Variants in TOR1AIP2 observed in about 807,000 individuals in gnomAD.
The protein encoded by TOR1AIP2 is torsin 1A interacting protein 2.
Under a neutral mutation model 32.6 loss-of-function variants are expected in TOR1AIP2, and 20 were observed. That is an observed-to-expected ratio of 0.61 (90% CI 0.43 to 0.89). TOR1AIP2 has a LOEUF of 0.89. TOR1AIP2 is among the 40% of genes least tolerant of loss of function. TOR1AIP2 has a pLI of 0.00. For synonymous variants in TOR1AIP2, 214 were observed against 210.8 expected, an observed-to-expected ratio of 1.02 and a Z score of -0.13; for missense variants, 456 against 553.8, an observed-to-expected ratio of 0.82 and a Z score of 1.77.
At chr1:179,861,896 G>A in intron 3 of TOR1AIP2, 7 of 932,646 alleles carry the variant, frequency 7.5e-6, no homozygotes, top group Non-Finnish European at 9.0e-6. Flanking sequence ...ACAGTGGTCT[G>A]ACTATCTTGC....
In TOR1AIP2 at chr1:179,862,227, T is replaced by C. The variant is rs541757449; in HGVS notation, c.-147+3209A>G. 35 of 982,006 alleles carry C rather than the reference T, an allele frequency of 3.6e-5. No homozygotes were observed. The African/African-American group carries it at 5.9e-4, about 17-fold the overall frequency. The allele number at this position is 982,006 out of a possible 1,614,324, so 60.8% of individuals were successfully genotyped here. On this transcript the variant is annotated intron_variant, in intron 3 of 6. Transcript: ENST00000609928. Reference sequence around the variant, plus strand: ...AAACCTTTTCTCTATTTTGCTGATATTTAAATTTTCACATTTGTAGAATGT... The same window carrying C: ...AAACCTTTTCTCTATTTTGCTGATACTTAAATTTTCACATTTGTAGAATGT...
intron 3 of TOR1AIP2, chr1:179,864,109 G>A (rs1439187251): frequency 6.1e-6 from 6 of 985,278 alleles, no homozygotes; most frequent in African/African-American, 3.5e-5. Flanking sequence ...AGTATGGACA[G>A]GTGGCATTTC....
At chr1:179,857,247 T>C (rs1402726574) in intron 3 of TOR1AIP2, among the ~76,000 whole-genome samples, 1 of 152,246 alleles carries the variant, frequency 6.6e-6, no homozygotes, top group Non-Finnish European at 1.5e-5. Flanking sequence ...ATATTTCTAC[T>C]TAAATAAAAT....
At chr1:179,862,646 T>C in intron 3 of TOR1AIP2, 1 of 985,390 alleles carries the variant, frequency 1.0e-6, no homozygotes, top group Non-Finnish European at 1.2e-6. Context: ...AAAAGAGCCC[T>C]GGTCAGGCAC....
intron 3 of TOR1AIP2, chr1:179,859,107 AAAG>A: frequency 1.0e-6 from 1 of 985,318 alleles, no homozygotes; most frequent in African/African-American, 1.7e-5. Context: ...CTAGGGATAA[AAAG>A]AAACTGGTAT....
chr1:179,861,457 T>A, intron 3 of TOR1AIP2: 1 of 983,542 alleles, frequency 1.0e-6, no homozygotes, highest in South Asian at 4.7e-5. Context: ...GCTTATCATA[T>A]AACAGGTATG....
chr1:179,876,920 A>G (rs144334033), intron 2 of TOR1AIP2, among the ~76,000 whole-genome samples: 1 of 152,150 alleles, frequency 6.6e-6, no homozygotes, highest in Non-Finnish European at 1.5e-5. Context: ...AGAATGGTAC[A>G]TATATAATAT....
chr1:179,847,549 C>T lies in TOR1AIP2; in HGVS notation c.641G>A (p.Gly214Asp). The change falls in exon 6 of 7, where the codon GGT becomes GAT. Residue 214 changes from glycine to aspartate, a missense_variant. Coordinates refer to ENST00000609928, the MANE Select transcript of TOR1AIP2 (RefSeq NM_001199260.2). ...QDTMRQINKKGFWSYGPVILV... is the reference protein window; with the variant it reads ...QDTMRQINKKDFWSYGPVILV... ...TTTGTTCTCACCATAGCTCCAAAAACCCTTTTTATTAATCTGTCTCATGGT... is the reference window on the plus strand; with the variant it reads ...TTTGTTCTCACCATAGCTCCAAAAATCCTTTTTATTAATCTGTCTCATGGT... 1 of 1,613,614 alleles carries T rather than the reference C, an allele frequency of 6.2e-7. No individual in the cohort carries two copies. Among genetic ancestry groups the T allele is most frequent in the African/African-American group, 1.3e-5 (1 of 75,030 alleles).
At position 179,844,024 on chromosome 1, in the gene TOR1AIP2, TG is replaced by T. The variant is rs1252881505; in HGVS notation, c.*2046del. 6.6e-6 allele frequency: 1 copy of T among 152,138 alleles called. No homozygotes were observed. The highest frequency in any genetic ancestry group is 2.4e-5 in the African/African-American group (1 of 41,420). 9.4% of individuals were successfully genotyped at this position (152,138 alleles called of 1,614,324 possible). ...TCAACTGAATGAAGAAACAAGAATATGCGACATACTGGTTCCTTGACAGATC... is the reference window on the plus strand; with the variant it reads ...TCAACTGAATGAAGAAACAAGAATATCGACATACTGGTTCCTTGACAGATC... On this transcript the variant is annotated 3_prime_UTR_variant, in exon 7 of 7. Coordinates refer to ENST00000609928, the MANE Select transcript of TOR1AIP2 (RefSeq NM_001199260.2).
intron 3 of TOR1AIP2, chr1:179,862,371 TAGG>T (rs1696575634): frequency 1.0e-6 from 1 of 985,280 alleles, no homozygotes; most frequent in Admixed American, 6.2e-5. Context: ...TTTCACTTTT[TAGG>T]AGGAGTTGTA....
At chr1:179,861,133 A>G (rs1030381389) in intron 3 of TOR1AIP2, 4 of 985,504 alleles carry the variant, frequency 4.1e-6, no homozygotes, top group Non-Finnish European at 4.8e-6. Context: ...AAATGCTACC[A>G]TAACATATAA....
At chr1:179,865,233 G>C in intron 3 of TOR1AIP2, 2 of 1,528,364 alleles carry the variant, frequency 1.3e-6, no homozygotes, top group South Asian at 2.7e-5. Context: ...AACAGTGACA[G>C]AGAGAGACGC....
At chr1:179,869,630 T>C (rs1197722331) in intron 2 of TOR1AIP2, among the ~76,000 whole-genome samples, 1 of 152,240 alleles carries the variant, frequency 6.6e-6, no homozygotes, top group African/African-American at 2.4e-5. Context: ...GATATGGATC[T>C]TTGTTTTCCT....
chr1:179,867,401 C>T (rs779291755), intron 2 of TOR1AIP2: 2 of 152,136 alleles, frequency 1.3e-5, no homozygotes, highest in Non-Finnish European at 2.9e-5. Context: ...ATAGATTTCC[C>T]TGAGGGTCTG....
chr1:179,849,299 T>C (rs1047173899), intron 5 of TOR1AIP2, among the ~76,000 whole-genome samples: 5 of 151,812 alleles, frequency 3.3e-5, no homozygotes, highest in African/African-American at 1.2e-4. Flanking sequence ...AAGGCTGGAG[T>C]GTAGTGCTGA....
intron 3 of TOR1AIP2, chr1:179,860,005 T>A (rs1202584143): frequency 1.6e-6 from 1 of 640,314 alleles, no homozygotes; most frequent in Non-Finnish European, 1.9e-6. Context: ...TCCAGCTAAT[T>A]TTTTTCTTTT....
intron 2 of TOR1AIP2, among the ~76,000 whole-genome samples, chr1:179,876,833 A>C (rs1447786804): frequency 6.6e-6 from 1 of 152,158 alleles, no homozygotes; most frequent in Non-Finnish European, 1.5e-5. Flanking sequence ...ATTACTCATA[A>C]AGTAGAGAGT....
At chr1:179,866,277 TAC>T (rs1696767225) in intron 2 of TOR1AIP2, among the ~76,000 whole-genome samples, 11 of 151,860 alleles carry the variant, frequency 7.2e-5, no homozygotes, top group Admixed American at 5.9e-4. Flanking sequence ...AAAAAAAGCT[TAC>T]ACAGTTTTTA....
At chr1:179,864,216 T>A in intron 3 of TOR1AIP2, 12 of 985,490 alleles carry the variant, frequency 1.2e-5, no homozygotes, top group Non-Finnish European at 1.4e-5. Context: ...ACACTGAGGA[T>A]GGGCCAAACA....
Sources: gnomAD v4.1 joint callset for allele counts (sites outside exome capture counted in the v4.1 genomes callset) on GRCh38, gnomAD v4.1.1 for gene constraint, MANE v1.5 for transcripts, NCBI Gene and HGNC (gene_info 2026-07-23, HGNC 2026-07-21) for gene names.